NKAIN4: variants seen among roughly 807,000 people sequenced by gnomAD.
NKAIN4 encodes sodium/potassium-transporting ATPase subunit beta-1-interacting protein 4.
Under a neutral mutation model 28.8 loss-of-function variants are expected in NKAIN4, and 28 were observed. That is an observed-to-expected ratio of 0.97 (90% confidence interval 0.72 to 1.33). NKAIN4 has a LOEUF of 1.33. NKAIN4 is among the 40% of genes most tolerant of loss of function. The pLI, the probability that NKAIN4 is intolerant of heterozygous loss-of-function variation, is 0.00. For missense variants in NKAIN4, 289 were observed against 277.2 expected (o/e 1.04, Z -0.30); for synonymous variants, 122 against 115.6 (o/e 1.06, Z -0.36).
In NKAIN4 at chr20:63,247,672, GC is replaced by G; in HGVS notation, c.376del (p.Ala126ProfsTer30). 1 of 1,543,134 alleles carries G rather than the reference GC, an allele frequency of 6.5e-7. No homozygotes were observed. Among genetic ancestry groups the G allele is most frequent in the Non-Finnish European group, 8.7e-7 (1 of 1,143,362 alleles). On this transcript the variant is annotated frameshift_variant, in exon 4 of 7. Transcript: ENST00000370316. LOFTEE classifies it high-confidence loss of function. ...HEEVPAVGLG[A>X]PHGQALVSGA... The stretch of plus-strand genomic sequence containing the variant: ...TGACACCAGGGCCTGGCCATGGGGG[GC>G]CCCGAGGCCCACTGCTGGCACCTCC...
chr20:63,248,906 G>A lies in NKAIN4; in HGVS notation c.193-11C>T, dbSNP rs1230444727. 4 of 1,602,918 alleles carry A rather than the reference G, an allele frequency of 2.5e-6. No individual in the cohort carries two copies. Among genetic ancestry groups the A allele is most frequent in the African/African-American group, 2.7e-5 (2 of 74,720 alleles). On this transcript the variant is annotated splice_polypyrimidine_tract_variant and intron_variant, in intron 2 of 6. Coordinates refer to ENST00000370316, the MANE Select transcript of NKAIN4 (RefSeq NM_152864.4). ...TGCCCACAGCGTGTACTAGGGAGAG[G>A]AGAGGATGGGGCGGCAGCTGAACAC...
chr20:63,254,492 GGCCCCCGCCCCCGCTCC>G, upstream of NKAIN4: 1 of 1,269,948 alleles, frequency 7.9e-7, no homozygotes, highest in South Asian at 2.4e-5. Flanking sequence ...CCCCGCGCTC[GGCCCCCGCCCCCGCTCC>G]GCCCGCTCCC....
rs747366545 is a variant in NKAIN4, at chr20:63,249,928, G to A, written c.192+7C>T. The A allele has an allele frequency of 6.2e-7, 1 of 1,611,598 alleles. No individual in the cohort carries two copies. The highest frequency in any genetic ancestry group is 8.5e-7 in the Non-Finnish European group (1 of 1,179,042). On this transcript the variant is annotated splice_region_variant and intron_variant, in intron 2 of 6. Coordinates refer to ENST00000370316, the MANE Select transcript of NKAIN4 (RefSeq NM_152864.4). ...TGCCCATAAAGAGGGCCGGGCCCAG[G>A]ACTCACCACCATGACATAGCGCAGC...
In NKAIN4 at chr20:63,249,117, G is replaced by A. The variant is rs541928921; in HGVS notation, c.193-222C>T. 5.1e-4 allele frequency: 273 copies of A among 540,412 alleles called. 3 individuals are homozygous for A. The highest frequency in any genetic ancestry group is 3.1e-3 in the Middle Eastern group (6 of 1,956). 33.5% of individuals were successfully genotyped at this position (540,412 alleles called of 1,614,324 possible). ...CACGTGGGTGCCCCGGGAATGAGGCGGTGGGACAGCCAGCTCAAGGGAGCC... is the reference window on the plus strand; with the variant it reads ...CACGTGGGTGCCCCGGGAATGAGGCAGTGGGACAGCCAGCTCAAGGGAGCC... On this transcript the variant is annotated intron_variant, in intron 2 of 6. Coordinates refer to ENST00000370316, the MANE Select transcript of NKAIN4 (RefSeq NM_152864.4).
At chr20:63,246,178 T>C (rs185867392) in intron 4 of NKAIN4, among the ~76,000 whole-genome samples, 2,255 of 152,312 alleles carry the variant, frequency 0.015, 18 homozygotes, top group Middle Eastern at 0.037. Flanking sequence ...TCCGCCTGCC[T>C]CGGCCTCCCA....
chr20:63,248,945 ACCTG>A (rs941378975), intron 2 of NKAIN4, 50 bp from the exon 3 acceptor site: 5 of 1,265,860 alleles, frequency 3.9e-6, no homozygotes, highest in Non-Finnish European at 5.8e-6. Flanking sequence ...TCCCGGGCAC[ACCTG>A]CTTGCATCCA....
rs892297138 is a variant in NKAIN4, at chr20:63,247,417, C to T, written c.471+161G>A. On this transcript the variant is annotated intron_variant, in intron 4 of 6. Coordinates refer to ENST00000370316, the MANE Select transcript of NKAIN4 (RefSeq NM_152864.4). ...AGGTGCCAGCCACATGGGACCCACC[C>T]GTGATACCTTAACCTCTCCAGCAAG... 9.1e-6 allele frequency: 14 copies of T among 1,537,224 alleles called. No individual in the cohort carries two copies. In the African/African-American group the frequency reaches 1.1e-4, roughly 12 times the overall value.
chr20:63,242,968 G>A (rs1470036725), intron 5 of NKAIN4, among the ~76,000 whole-genome samples: 1 of 152,000 alleles, frequency 6.6e-6, no homozygotes, highest in Non-Finnish European at 1.5e-5. Context: ...GGTCAGGACA[G>A]CCCGGGTCCT....
chr20:63,247,785 AGGTGCAGGAGCAGGGCC>A lies in NKAIN4; in HGVS notation c.274-27_274-11del. ...TCAGTAGCTCGCTGTCCTAGGGGAG[AGGTGCAGGAGCAGGGCC>A]GGTTAGCACCAGGAGGTGGGCGGCC... On this transcript the variant is annotated splice_polypyrimidine_tract_variant and intron_variant, in intron 3 of 6. Coordinates refer to ENST00000370316, the MANE Select transcript of NKAIN4 (RefSeq NM_152864.4). The A allele has an allele frequency of 4.2e-6, 6 of 1,441,850 alleles. No homozygotes were observed. Among genetic ancestry groups the A allele is most frequent in the Non-Finnish European group, 5.5e-6 (6 of 1,093,534 alleles). 89.3% of individuals were successfully genotyped at this position (1,441,850 alleles called of 1,614,324 possible). A position where few individuals can be genotyped will look rare whatever the true frequency, so the allele number is the denominator to read the frequency against.
chr20:63,253,575 A>G, intron 1 of NKAIN4: 1 of 925,074 alleles, frequency 1.1e-6, no homozygotes, highest in Non-Finnish European at 1.3e-6. Flanking sequence ...CGGGAGACCC[A>G]GGGCCAATTA....
chr20:63,251,505 C>A (rs1368229392), intron 1 of NKAIN4, among the ~76,000 whole-genome samples: 1 of 152,188 alleles, frequency 6.6e-6, no homozygotes, highest in Non-Finnish European at 1.5e-5. Flanking sequence ...GACCACGGTC[C>A]GCTTGGCAAC....
At chr20:63,247,213 C>T (rs2066874996) in intron 4 of NKAIN4, 1 of 1,187,976 alleles carries the variant, frequency 8.4e-7, no homozygotes, top group Non-Finnish European at 1.1e-6. Context: ...GCGGGACACG[C>T]ATGGATGGGT....
chr20:63,244,116 C>A (rs537794224), intron 4 of NKAIN4, 32 bp from the exon 5 acceptor site: 1 of 1,590,146 alleles, frequency 6.3e-7, no homozygotes, highest in Non-Finnish European at 8.6e-7. Context: ...GGCGTGAGTG[C>A]GGCCAGGCGA....
rs989972902 is a variant in NKAIN4, at chr20:63,249,966, G to A, written c.161C>T (p.Thr54Ile). 8 of 1,613,594 alleles carry A rather than the reference G, an allele frequency of 5.0e-6. No homozygotes were observed. Among genetic ancestry groups the A allele is most frequent in the Non-Finnish European group, 6.8e-6 (8 of 1,179,968 alleles). ...GACATAGCGCAGCCGGTACTGGATG[G>A]TGCCGAAGAGTCCCAGGATGACGAT... ...IIIVILGLFGTIQYRLRYVMV... is the reference protein window; with the variant it reads ...IIIVILGLFGIIQYRLRYVMV... The change falls in exon 2 of 7, where the codon ACC becomes ATC. Residue 54 changes from threonine (T) to isoleucine (I), a missense_variant. By Grantham distance (89) the Thr-to-Ile change is moderately conservative (BLOSUM62 -1). Transcript: ENST00000370316.
In NKAIN4 at chr20:63,244,351, G is replaced by A. The variant is rs139119183; in HGVS notation, c.472-267C>T. On this transcript the variant is annotated intron_variant, in intron 4 of 6. Coordinates refer to ENST00000370316, the MANE Select transcript of NKAIN4 (RefSeq NM_152864.4). ...GGGTGAGGATAATGGATATTGGGTG[G>A]GGAAGATGAGCAGGTCAGCCTGAGT... The A allele has an allele frequency of 2.4e-3, 1,287 of 547,388 alleles. 9 individuals carry two copies. The highest frequency in any genetic ancestry group is 0.019 in the African/African-American group (1,044 of 53,714). The allele number at this position is 547,388 out of a possible 1,614,324, so 33.9% of individuals were successfully genotyped here. A position where few individuals can be genotyped will look rare whatever the true frequency, so the allele number is the denominator to read the frequency against.
intron 4 of NKAIN4, among the ~76,000 whole-genome samples, 192 bp from the exon 5 acceptor site, chr20:63,244,276 A>T (rs1364595143): frequency 6.6e-6 from 1 of 152,122 alleles, no homozygotes; most frequent in Non-Finnish European, 1.5e-5. Context: ...CAAGCTCCGG[A>T]CGCACCCCTG....
At chr20:63,253,788 G>A (rs2067003297) in intron 1 of NKAIN4, among the ~76,000 whole-genome samples, 1 of 152,126 alleles carries the variant, frequency 6.6e-6, no homozygotes, top group African/African-American at 2.4e-5. Context: ...CCCGGGCATC[G>A]GCTCCAGCCC....
At chr20:63,242,274 G>A (rs2066768140) in intron 6 of NKAIN4, among the ~76,000 whole-genome samples, 1 of 152,046 alleles carries the variant, frequency 6.6e-6, no homozygotes, top group Admixed American at 6.5e-5. Flanking sequence ...GCCGACTCCT[G>A]GACCCAACCC....
intron 1 of NKAIN4, chr20:63,253,348 A>G: frequency 3.0e-6 from 3 of 985,334 alleles, no homozygotes; most frequent in Non-Finnish European, 3.6e-6. Flanking sequence ...TTCCTGCAGG[A>G]AGGACACGAT....
Sources: gnomAD v4.1 joint callset for allele counts (sites outside exome capture counted in the v4.1 genomes callset) on GRCh38, gnomAD v4.1.1 for gene constraint, MANE v1.5 for transcripts, NCBI Gene and HGNC (gene_info 2026-07-23, HGNC 2026-07-21) for gene names.